The following POLD3 variants were observed in gnomAD, a reference collection of about 807,000 sequenced individuals.
POLD3 encodes DNA polymerase delta subunit 3.
A neutral mutation model predicts 58.2 loss-of-function variants in POLD3; 19 were observed. The observed-to-expected ratio is 0.33, with a 90% confidence interval of 0.23 to 0.48. POLD3 has a LOEUF of 0.48. POLD3 is among the 20% of genes least tolerant of loss of function. The pLI, the probability that POLD3 is intolerant of heterozygous loss-of-function variation, is 0.99. For missense variants in POLD3, 504 were observed against 545.5 expected (o/e 0.92, Z 0.76); for synonymous variants, 172 against 193.5 (o/e 0.89, Z 0.92).
chr11:74,640,647 C>T lies in POLD3; in HGVS notation c.1282C>T (p.Pro428Ser), dbSNP rs144601149. 26 of 1,611,924 alleles carry T rather than the reference C, an allele frequency of 1.6e-5. No homozygotes were observed. In the African/African-American group the frequency reaches 3.5e-4, roughly 22 times the overall value. ...NMKTSSVHRP[P>S]AMTVKKEPRE... ...GAAGACATCCTCAGTACACAGACCC[C>T]CTGCCATGACTGTGAAAAAAGAACC... The change falls in exon 12 of 12, where the codon CCT becomes TCT. Residue 428 changes from proline to serine, a missense_variant. Transcript: ENST00000263681.
Position 74,634,603 on chromosome 11 carries a change from G to GC in POLD3, c.1028dup (p.Tyr344LeufsTer2). ...TTCAGTCTTTCCAGACTCTCCTGGG[G>GC]CTTATGAAGCTGAGTCACCATCCCC... is the stretch of plus-strand genomic sequence containing the variant. On this transcript the variant is annotated frameshift_variant, in exon 10 of 12. Transcript: ENST00000263681. LOFTEE classifies it high-confidence loss of function. 6.2e-7 allele frequency: 1 copy of GC among 1,606,942 alleles called. No homozygotes were observed. Among genetic ancestry groups the GC allele is most frequent in the Non-Finnish European group, 8.5e-7 (1 of 1,173,566 alleles).
At chr11:74,658,084 T>C (rs141101565) in intron 4 of POLD3, among the ~76,000 whole-genome samples, 2,955 of 152,284 alleles carry the variant, frequency 0.019, 51 homozygotes, top group Non-Finnish European at 0.028. Flanking sequence ...GATAAAGACA[T>C]ACCTGAAACT....
chr11:74,629,497 A>G (rs2032527944), intron 9 of POLD3, among the ~76,000 whole-genome samples, 174 bp downstream of exon 9: 1 of 152,120 alleles, frequency 6.6e-6, no homozygotes, highest in Non-Finnish European at 1.5e-5. Flanking sequence ...TAGAACCATG[A>G]TCTTTTGGAA....
Position 74,626,667 on chromosome 11 carries a change from C to T in POLD3, c.899+1094C>T, listed in dbSNP as rs183777066. Among the ~76,000 whole-genome samples the T allele has an allele frequency of 2.0e-3, 300 of 152,290 alleles. 1 individual carries two copies. Among genetic ancestry groups the T allele is most frequent in the African/African-American group, 7.1e-3 (294 of 41,556 alleles). On this transcript the variant is annotated intron_variant, in intron 8 of 11. Coordinates refer to ENST00000263681, the MANE Select transcript of POLD3 (RefSeq NM_006591.3). ...CATTTGTTGCCTGTGTTTATGAGGT[C>T]TACAGGTCAGTTACATTCTTTTCTG...
chr11:74,621,417 C>A (rs2032254243), intron 7 of POLD3, among the ~76,000 whole-genome samples: 1 of 151,822 alleles, frequency 6.6e-6, no homozygotes, highest in Non-Finnish European at 1.5e-5. Context: ...CCACCGCCGC[C>A]CACCACCACC....
At chr11:74,659,561 A>T (rs2033180006) in intron 4 of POLD3, among the ~76,000 whole-genome samples, 1 of 152,192 alleles carries the variant, frequency 6.6e-6, no homozygotes, top group South Asian at 2.1e-4. Context: ...GAATGCTTTT[A>T]ACAGCACCCA....
rs1320485640 is a variant in POLD3 at position 74,640,744 on chromosome 11, C to T, written c.1379C>T (p.Thr460Ile). Reference protein sequence around the residue: ...LGKANRQVSITGFFQRK With the variant: ...LGKANRQVSIIGFFQRK ...AAAGCCAACAGACAGGTGTCCATTACTGGCTTCTTCCAGAGGAAATAAACT... is the reference window on the plus strand; with the variant it reads ...AAAGCCAACAGACAGGTGTCCATTATTGGCTTCTTCCAGAGGAAATAAACT... The change falls in exon 12 of 12, where the codon ACT becomes ATT. Residue 460 changes from threonine to isoleucine, a missense_variant. Around this residue, in one of 2 missense-constraint regions of POLD3, gnomAD observed 385 missense variants for 370.5 expected, o/e 1.04. Coordinates refer to ENST00000263681, the MANE Select transcript of POLD3 (RefSeq NM_006591.3). 6.3e-7 allele frequency: 1 copy of T among 1,598,176 alleles called. No individual in the cohort carries two copies. Among genetic ancestry groups the T allele is most frequent in the South Asian group, 1.1e-5 (1 of 87,952 alleles).
intron 9 of POLD3, among the ~76,000 whole-genome samples, chr11:74,631,610 A>G (rs1455679653): frequency 6.7e-6 from 1 of 150,348 alleles, no homozygotes; most frequent in African/African-American, 2.5e-5. Flanking sequence ...CAGCCTCCTG[A>G]GTAGCCAGGA....
intron 11 of POLD3, among the ~76,000 whole-genome samples, chr11:74,637,267 C>G (rs538832726): frequency 6.6e-6 from 1 of 152,218 alleles, no homozygotes; most frequent in East Asian, 1.9e-4. Flanking sequence ...CCCTGTCCCA[C>G]TATTCCCCAC....
chr11:74,632,587 C>G (rs1226818716), intron 9 of POLD3, among the ~76,000 whole-genome samples: 2 of 152,162 alleles, frequency 1.3e-5, no homozygotes, highest in African/African-American at 2.4e-5. Context: ...ATGATAATCT[C>G]TACTCTCTGG....
At chr11:74,624,758 G>T (rs2032378795) in intron 7 of POLD3, among the ~76,000 whole-genome samples, 1 of 151,806 alleles carries the variant, frequency 6.6e-6, no homozygotes, top group Non-Finnish European at 1.5e-5. Flanking sequence ...GAGTTAAACT[G>T]ACTTTGGTTC....
At chr11:74,596,342 C>T (rs568386103) in intron 2 of POLD3, among the ~76,000 whole-genome samples, 134 of 151,204 alleles carry the variant, frequency 8.9e-4, no homozygotes, top group African/African-American at 3.0e-3. Context: ...TGCCACCATA[C>T]CCGGCTAATT....
At chr11:74,593,286 C>T (rs540926088) in intron 1 of POLD3, among the ~76,000 whole-genome samples, 50 of 152,268 alleles carry the variant, frequency 3.3e-4, no homozygotes, top group African/African-American at 1.2e-3. Flanking sequence ...CAGTGACCTC[C>T]CCGCACCCCA....
chr11:74,623,599 A>G (rs1358555301), intron 7 of POLD3, among the ~76,000 whole-genome samples: 4 of 152,204 alleles, frequency 2.6e-5, no homozygotes, highest in African/African-American at 9.7e-5. Flanking sequence ...ATGTAAAGTG[A>G]TGAATTTTAT....
intron 7 of POLD3, among the ~76,000 whole-genome samples, chr11:74,624,821 C>T (rs1815966839): frequency 6.6e-6 from 1 of 152,152 alleles, no homozygotes; most frequent in Admixed American, 6.5e-5. Flanking sequence ...TTAACCAATA[C>T]TGATCTCTTT....
At chr11:74,657,164 C>T (rs900272277) in intron 4 of POLD3, among the ~76,000 whole-genome samples, 2 of 150,694 alleles carry the variant, frequency 1.3e-5, no homozygotes, top group Admixed American at 6.6e-5. Flanking sequence ...AGTCTTTGTG[C>T]GTCTTTATAG....
intron 7 of POLD3, among the ~76,000 whole-genome samples, chr11:74,623,707 T>C (rs1386786213): frequency 1.3e-5 from 2 of 152,254 alleles, no homozygotes; most frequent in African/African-American, 4.8e-5. Context: ...TGGTTATCTT[T>C]ATTTGCTTGA....
At chr11:74,660,739 C>T (rs1037236197) in intron 4 of POLD3, among the ~76,000 whole-genome samples, 2 of 152,058 alleles carry the variant, frequency 1.3e-5, no homozygotes, top group Non-Finnish European at 2.9e-5. Context: ...TAAGGTGTGC[C>T]GGCTTCCTCT....
chr11:74,652,345 A>T (rs1044800551), intron 4 of POLD3, among the ~76,000 whole-genome samples: 2 of 152,194 alleles, frequency 1.3e-5, no homozygotes, highest in Non-Finnish European at 2.9e-5. Context: ...GTGTCAAAGG[A>T]TATACATTTT....
Sources: gnomAD v4.1 joint callset for allele counts (sites outside exome capture counted in the v4.1 genomes callset) on GRCh38, gnomAD v4.1.1 for gene constraint, gnomAD v4.1.1 regional missense constraint, MANE v1.5 for transcripts, NCBI Gene and HGNC (gene_info 2026-07-23, HGNC 2026-07-21) for gene names.